The following EIF2AK2 variants were observed in gnomAD, a reference collection of about 807,000 sequenced individuals.
EIF2AK2 encodes the protein eukaryotic translation initiation factor 2 alpha kinase 2.
Under a neutral mutation model 70.5 loss-of-function variants are expected in EIF2AK2, and 40 were observed. That is an observed-to-expected ratio of 0.57 (90% CI 0.44 to 0.74). The LOEUF is 0.74. Among genes scored for constraint, EIF2AK2 ranks in the 30% least tolerant of loss-of-function variants. The pLI is 0.00. For synonymous variants in EIF2AK2, 198 were observed against 220.9 expected, an observed-to-expected ratio of 0.90 and a Z score of 0.92; for missense variants, 555 against 644.3, an observed-to-expected ratio of 0.86 and a Z score of 1.50.
rs776281435 is a variant in EIF2AK2 at position 37,114,834 on chromosome 2, G to A, written c.1274C>T (p.Thr425Ile). ...AAAGTCTCCAATCTTTACTTGTTTT[G>A]TATCTACTAAGAATATATTACTTGG... is the stretch of plus-strand genomic sequence containing the variant. The part of the protein sequence containing the change: ...LKPSNIFLVD[T>I]KQVKIGDFGL... Residue 425 changes from threonine (T) to isoleucine (I), a missense_variant, in exon 14 of 17, where the codon ACA becomes ATA. This residue lies in a region of EIF2AK2 where 299 missense variants were observed against 375.4 expected (regional missense o/e 0.80). Coordinates refer to ENST00000233057, the MANE Select transcript of EIF2AK2 (RefSeq NM_001135651.3). 5.0e-6 allele frequency: 8 copies of A among 1,584,302 alleles called. No homozygotes were observed. In the East Asian group the frequency reaches 1.6e-4, roughly 32 times the overall value.
Position 37,106,681 on chromosome 2 carries a change from T to C in EIF2AK2, c.*592A>G, listed in dbSNP as rs1399264089. 2 of 151,768 alleles carry C rather than the reference T, an allele frequency of 1.3e-5. No individual in the cohort carries two copies. Among genetic ancestry groups the C allele is most frequent in the East Asian group, 3.9e-4 (2 of 5,174 alleles). The allele number at this position is 151,768 out of a possible 1,614,324, so 9.4% of individuals were successfully genotyped here. A position where few individuals can be genotyped will look rare whatever the true frequency, so the allele number is the denominator to read the frequency against. ...CTAAAAGCGGTAGAAATTTAATAAA[T>C]AGATATGAATTGATTGATTCATTAA... On this transcript the variant is annotated 3_prime_UTR_variant, in exon 17 of 17. Transcript: ENST00000233057.
intron 4 of EIF2AK2, among the ~76,000 whole-genome samples, chr2:37,145,926 G>A (rs886221049): frequency 1.3e-5 from 2 of 151,408 alleles, no homozygotes; most frequent in Non-Finnish European, 2.9e-5. Flanking sequence ...CTAATTTTTT[G>A]TATTTTTAGT....
intron 5 of EIF2AK2, 51 bp downstream of exon 5, chr2:37,141,502 T>A: frequency 2.5e-6 from 4 of 1,583,678 alleles, no homozygotes; most frequent in Non-Finnish European, 3.4e-6. Context: ...ATAAACCAAC[T>A]TTATTGCTTA....
chr2:37,139,230 G>C (rs1675237640), intron 6 of EIF2AK2, among the ~76,000 whole-genome samples: 1 of 150,992 alleles, frequency 6.6e-6, no homozygotes, highest in South Asian at 2.1e-4. Context: ...CAGGAGAATT[G>C]CTTGAACATG....
In EIF2AK2 at chr2:37,126,967, GAAAAAAAAAAAAAAAAAA is replaced by G. The variant is rs57802509; in HGVS notation, c.786-574_786-557del. Among the ~76,000 whole-genome samples the G allele has an allele frequency of 1.3e-3, 68 of 52,174 alleles. 1 individual carries two copies. The highest frequency in any genetic ancestry group is 2.9e-3 in the African/African-American group (38 of 13,104). The allele number at this position is 52,174 out of a possible 152,430, so 34.2% of individuals were successfully genotyped here. On this transcript the variant is annotated intron_variant, in intron 10 of 16. Transcript: ENST00000233057. ...AATGAAACTCCATCTCAAAAAAACAGAAAAAAAAAAAAAAAAAAAAAAAAAAAAAAAAAGCCATGATAA... is the reference window on the plus strand; with the variant it reads ...AATGAAACTCCATCTCAAAAAAACAGAAAAAAAAAAAAAAAGCCATGATAA...
At chr2:37,114,653 A>G in intron 14 of EIF2AK2, 78 bp downstream of exon 14, 1 of 1,311,326 alleles carries the variant, frequency 7.6e-7, no homozygotes, top group Non-Finnish European at 1.0e-6. Context: ...AGTTTTAATT[A>G]TATAAGTAGT....
chr2:37,154,964 G>A (rs1166135874), intron 1 of EIF2AK2, among the ~76,000 whole-genome samples: 2 of 149,388 alleles, frequency 1.3e-5, no homozygotes, highest in African/African-American at 5.0e-5. Context: ...CTTTTCTATG[G>A]TTCTAACTTC....
Position 37,153,337 on chromosome 2 carries a change from C to CTCTTTTTTTTTTT in EIF2AK2, c.-184+3570_-184+3571insAAAAAAAAAAAGA, listed in dbSNP as rs777537067. 3.5e-4 allele frequency among the ~76,000 whole-genome samples: 39 copies of CTCTTTTTTTTTTT among 109,886 alleles called. 4 individuals are homozygous for CTCTTTTTTTTTTT. The highest frequency in any genetic ancestry group is 6.6e-4 in the East Asian group (2 of 3,046). 72.1% of individuals were successfully genotyped at this position (109,886 alleles called of 152,430 possible). A position where few individuals can be genotyped will look rare whatever the true frequency, so the allele number is the denominator to read the frequency against. On this transcript the variant is annotated intron_variant, in intron 1 of 16. Coordinates refer to ENST00000233057, the MANE Select transcript of EIF2AK2 (RefSeq NM_001135651.3). ...CCCAGTCCTTTCAGTCTCTGCTAAT[C>CTCTTTTTTTTTTT]TTTTTTTTTTTTTTTTTTTTTGAGA...
chr2:37,110,044 T>C (rs924513385), intron 14 of EIF2AK2, among the ~76,000 whole-genome samples: 11 of 152,012 alleles, frequency 7.2e-5, no homozygotes, highest in Non-Finnish European at 1.5e-4. Context: ...CTGTGCATTT[T>C]ATACTGTATA....
chr2:37,113,907 A>C (rs1464705842), intron 14 of EIF2AK2, among the ~76,000 whole-genome samples: 4 of 152,224 alleles, frequency 2.6e-5, no homozygotes, highest in Non-Finnish European at 5.9e-5. Flanking sequence ...ACAGCAATTA[A>C]GTTTGAAATG....
rs1041583071 is a variant in EIF2AK2 at position 37,101,256 on chromosome 2, G to T, written c.*6017C>A. 6.6e-6 allele frequency: 1 copy of T among 152,146 alleles called. No homozygotes were observed. Among genetic ancestry groups the T allele is most frequent in the Non-Finnish European group, 1.5e-5 (1 of 68,040 alleles). The allele number at this position is 152,146 out of a possible 1,614,324, so 9.4% of individuals were successfully genotyped here. ...AGGGCACTAACTCACTCTAAAATTT[G>T]ATAAATATTTATCGCATCTTTCCCA... On this transcript the variant is annotated 3_prime_UTR_variant, in exon 17 of 17. Coordinates refer to ENST00000233057, the MANE Select transcript of EIF2AK2 (RefSeq NM_001135651.3).
chr2:37,118,808 C>A (rs1170196470), intron 13 of EIF2AK2, among the ~76,000 whole-genome samples: 1 of 152,212 alleles, frequency 6.6e-6, no homozygotes, highest in Non-Finnish European at 1.5e-5. Context: ...CCTCTCTGAG[C>A]CCAATAAACA....
intron 14 of EIF2AK2, 122 bp downstream of exon 14, chr2:37,114,609 T>C (rs1674271425): frequency 1.2e-6 from 1 of 831,252 alleles, no homozygotes. Flanking sequence ...TAGAAAAGAA[T>C]GGTAAGGAAA....
At chr2:37,154,217 C>T (rs138149945) in intron 1 of EIF2AK2, among the ~76,000 whole-genome samples, 4,775 of 151,816 alleles carry the variant, frequency 0.031, 119 homozygotes, top group South Asian at 0.064. Flanking sequence ...CCCAGCTACT[C>T]GGGATGCTGA....
chr2:37,128,024 G>A (rs944804928), intron 10 of EIF2AK2, among the ~76,000 whole-genome samples: 1 of 152,190 alleles, frequency 6.6e-6, no homozygotes, highest in Non-Finnish European at 1.5e-5. Flanking sequence ...TAACAGGCAT[G>A]AGCCACTGTG....
intron 14 of EIF2AK2, among the ~76,000 whole-genome samples, chr2:37,113,036 G>A (rs757308280): frequency 1.4e-4 from 22 of 152,070 alleles, no homozygotes; most frequent in Non-Finnish European, 2.5e-4. Context: ...ATATTCACAC[G>A]GGGAAAATCA....
chr2:37,134,678 A>C (rs1245166613), intron 10 of EIF2AK2, among the ~76,000 whole-genome samples: 2 of 152,196 alleles, frequency 1.3e-5, no homozygotes, highest in Non-Finnish European at 2.9e-5. Flanking sequence ...GGAGTAATGA[A>C]CCATAGGAAA....
intron 10 of EIF2AK2, among the ~76,000 whole-genome samples, chr2:37,134,799 C>A (rs1675067153): frequency 6.6e-6 from 1 of 152,160 alleles, no homozygotes; most frequent in Non-Finnish European, 1.5e-5. Flanking sequence ...TTTGTCTCCC[C>A]ACTAACTGGA....
At chr2:37,120,168 A>C (rs773764572) in intron 12 of EIF2AK2, 29 bp from the exon 13 acceptor site, 1 of 1,292,994 alleles carries the variant, frequency 7.7e-7, no homozygotes, top group Admixed American at 3.0e-5. Flanking sequence ...GTATGTTAAA[A>C]GTAACAATAA....
Sources: gnomAD v4.1 joint callset for allele counts (sites outside exome capture counted in the v4.1 genomes callset) on GRCh38, gnomAD v4.1.1 for gene constraint, gnomAD v4.1.1 regional missense constraint, MANE v1.5 for transcripts, NCBI Gene and HGNC (gene_info 2026-07-23, HGNC 2026-07-21) for gene names.